Variants in PARP16 observed in about 807,000 individuals in gnomAD.
PARP16 encodes protein mono-ADP-ribosyltransferase PARP16.
Under a neutral mutation model 35.0 loss-of-function variants are expected in PARP16, and 31 were observed. The observed-to-expected ratio is 0.88, with a 90% CI of 0.66 to 1.19. The LOEUF (loss-of-function observed/expected upper bound fraction) is 1.19, where lower values mean the gene tolerates loss of function less well. Among genes scored for constraint, PARP16 ranks in the 50% most tolerant of loss-of-function variants. The pLI is 0.00. For synonymous variants in PARP16, 162 were observed against 169.5 expected (o/e 0.96, Z 0.34); for missense variants, 424 against 411.2 (o/e 1.03, Z -0.27).
chr15:65,284,987 T>C (rs186340785), intron 1 of PARP16, among the ~76,000 whole-genome samples: 1 of 152,090 alleles, frequency 6.6e-6, no homozygotes, highest in Non-Finnish European at 1.5e-5. Flanking sequence ...TCAGCTAATT[T>C]AAAGAAATCT....
At chr15:65,270,811 G>GA in intron 2 of PARP16, 124 bp downstream of exon 2, 1 of 909,698 alleles carries the variant, frequency 1.1e-6, no homozygotes, top group South Asian at 1.5e-5. Flanking sequence ...TGAGGACCAG[G>GA]ACTCTGCATT....
chr15:65,253,824 A>T (rs2089426468), downstream of PARP16, among the ~76,000 whole-genome samples: 1 of 151,084 alleles, frequency 6.6e-6, no homozygotes, highest in African/African-American at 2.4e-5. Context: ...AGGAAACCAG[A>T]TTTGTTTTTT....
At chr15:65,248,057 G>A (rs1391549190) in intron 3 of PARP16, 1 of 414,674 alleles carries the variant, frequency 2.4e-6, no homozygotes, top group Non-Finnish European at 4.9e-6. Flanking sequence ...GCCCGCCTCG[G>A]CCTCCCAAAG....
At chr15:65,259,693 G>T in intron 5 of PARP16, 151 bp from the exon 6 acceptor site, 1 of 749,630 alleles carries the variant, frequency 1.3e-6, no homozygotes, top group Non-Finnish European at 2.2e-6. Context: ...CCTTGCTCAA[G>T]AAACCTGGGG....
intron 1 of PARP16, among the ~76,000 whole-genome samples, chr15:65,276,921 G>T (rs752425233): frequency 1.3e-5 from 2 of 151,040 alleles, no homozygotes; most frequent in Non-Finnish European, 1.5e-5. Flanking sequence ...TGTGGATGTC[G>T]CAGTGAACCG....
chr15:65,270,633 A>AGT (rs1234224643), intron 2 of PARP16, among the ~76,000 whole-genome samples: 2 of 152,188 alleles, frequency 1.3e-5, no homozygotes, highest in African/African-American at 4.8e-5. Flanking sequence ...GCCTGATGGA[A>AGT]GTATACTATT....
chr15:65,256,240 A>G (rs182869519), downstream of PARP16, among the ~76,000 whole-genome samples: 4 of 152,230 alleles, frequency 2.6e-5, no homozygotes, highest in Admixed American at 1.3e-4. Flanking sequence ...CAACTGATAC[A>G]TATCAGTGAT....
chr15:65,272,809 C>T (rs1329866398), intron 1 of PARP16, among the ~76,000 whole-genome samples: 4 of 152,224 alleles, frequency 2.6e-5, no homozygotes, highest in African/African-American at 9.7e-5. Flanking sequence ...GGGCACCTCT[C>T]TACCTCGCCA....
chr15:65,239,383 C>T (rs1377821466), intron 3 of PARP16, among the ~76,000 whole-genome samples: 3 of 126,380 alleles, frequency 2.4e-5, no homozygotes, highest in Non-Finnish European at 3.2e-5. Flanking sequence ...GCTGAGATCC[C>T]ACCACTGCAC....
At chr15:65,285,900 G>A (rs375883132) in intron 1 of PARP16, among the ~76,000 whole-genome samples, 12 of 152,188 alleles carry the variant, frequency 7.9e-5, no homozygotes, top group African/African-American at 2.9e-4. Context: ...GCAAAAGGAT[G>A]GATAACTTTC....
intron 1 of PARP16, among the ~76,000 whole-genome samples, chr15:65,280,091 G>A (rs2140966073): frequency 6.6e-6 from 1 of 152,086 alleles, no homozygotes; most frequent in East Asian, 1.9e-4. Flanking sequence ...CCCAGTTAAT[G>A]TCAATATTCA....
intron 3 of PARP16, 146 bp downstream of exon 3, chr15:65,266,416 T>C: frequency 1.5e-6 from 1 of 655,630 alleles, no homozygotes; most frequent in Non-Finnish European, 2.7e-6. Flanking sequence ...CCACTGCTGG[T>C]GTGCAGACCA....
downstream of PARP16, among the ~76,000 whole-genome samples, chr15:65,256,404 C>T (rs930752204): frequency 5.5e-4 from 76 of 139,246 alleles, no homozygotes; most frequent in African/African-American, 1.8e-3. Flanking sequence ...CCTCTGCCCA[C>T]GGCTTTTTTT....
rs2090602554 is a variant in PARP16, at chr15:65,286,492, C to T, written c.-66G>A. On this transcript the variant is annotated 5_prime_UTR_variant, in exon 1 of 6. Transcript: ENST00000649807. ...GGGGCAAGGGCGAGCGTGCGTTCAG[C>T]GCGGGGGCTGGGCCCGCGGACAATG... is the stretch of plus-strand genomic sequence containing the variant. 3 of 1,271,794 alleles carry T rather than the reference C, an allele frequency of 2.4e-6. No homozygotes were observed. The highest frequency in any genetic ancestry group is 3.1e-6 in the Non-Finnish European group (3 of 974,032). The allele number at this position is 1,271,794 out of a possible 1,614,324, so 78.8% of individuals were successfully genotyped here. A position where few individuals can be genotyped will look rare whatever the true frequency, so the allele number is the denominator to read the frequency against.
chr15:65,263,459 A>C lies in PARP16; in HGVS notation c.520-139T>G, dbSNP rs1005282597. 3.9e-5 allele frequency: 24 copies of C among 622,780 alleles called. 1 individual carries two copies. The South Asian group carries it at 4.8e-4, about 12-fold the overall frequency. The allele number at this position is 622,780 out of a possible 1,614,324, so 38.6% of individuals were successfully genotyped here. ...GCTTTTTGCCCCAGCAAGACACAGGATCAAATAATCCTGTGATATCATCAC... is the reference window on the plus strand; with the variant it reads ...GCTTTTTGCCCCAGCAAGACACAGGCTCAAATAATCCTGTGATATCATCAC... On this transcript the variant is annotated intron_variant, in intron 3 of 5. Transcript: ENST00000649807.
intron 2 of PARP16, among the ~76,000 whole-genome samples, chr15:65,250,512 T>C (rs1283367324): frequency 6.6e-6 from 1 of 152,192 alleles, no homozygotes; most frequent in Non-Finnish European, 1.5e-5. Flanking sequence ...CTGTTTCTTC[T>C]GTAAAATAAA....
intron 2 of PARP16, among the ~76,000 whole-genome samples, chr15:65,267,987 G>A (rs369470871): frequency 7.9e-5 from 12 of 151,710 alleles, no homozygotes; most frequent in African/African-American, 2.9e-4. Context: ...CACCACGCCC[G>A]GCCACTTCCT....
intron 3 of PARP16, among the ~76,000 whole-genome samples, chr15:65,245,619 C>T (rs928270454): frequency 1.3e-5 from 2 of 152,090 alleles, no homozygotes; most frequent in African/African-American, 4.8e-5. Context: ...GGCCACAGCA[C>T]CCAGGCCGCC....
At chr15:65,235,068 C>T (rs1244137887) in intron 3 of PARP16, among the ~76,000 whole-genome samples, 3 of 152,040 alleles carry the variant, frequency 2.0e-5, no homozygotes. Flanking sequence ...ATGGGTGCAG[C>T]ACACCAACAT....
Sources: allele counts gnomAD v4.1 joint callset (sites outside exome capture counted in the v4.1 genomes callset), GRCh38; gene constraint gnomAD v4.1.1; transcripts MANE v1.5; gene names NCBI Gene and HGNC (gene_info 2026-07-23, HGNC 2026-07-21).